The following SELENOF variants were observed in gnomAD, a reference collection of about 807,000 sequenced individuals.
The protein encoded by SELENOF is 15 kDa selenoprotein.
Under a neutral mutation model 20.5 loss-of-function variants are expected in SELENOF, and 16 were observed. The observed-to-expected ratio is 0.78, with a 90% confidence interval of 0.53 to 1.19. The LOEUF is 1.19. Among genes scored for constraint, SELENOF ranks in the 50% most tolerant of loss-of-function variants. The pLI, the probability that SELENOF is intolerant of heterozygous loss-of-function variation, is 0.00. For synonymous variants in SELENOF, 78 were observed against 74.5 expected, an observed-to-expected ratio of 1.05 and a Z score of -0.24; for missense variants, 215 against 194.2, an observed-to-expected ratio of 1.11 and a Z score of -0.64.
At chr1:86,871,276 T>C (rs1658759602) in intron 3 of SELENOF, among the ~76,000 whole-genome samples, 1 of 152,190 alleles carries the variant, frequency 6.6e-6, no homozygotes, top group Non-Finnish European at 1.5e-5. Flanking sequence ...AAAAACAATG[T>C]CGTTAATTTA....
At chr1:86,908,728 T>C (rs997930068) in intron 1 of SELENOF, among the ~76,000 whole-genome samples, 3 of 152,226 alleles carry the variant, frequency 2.0e-5, no homozygotes, top group Non-Finnish European at 2.9e-5. Context: ...TATCATTCTA[T>C]ACTGCTTTTT....
intron 2 of SELENOF, among the ~76,000 whole-genome samples, chr1:86,888,025 C>T (rs566314810): frequency 9.2e-5 from 14 of 152,262 alleles, no homozygotes; most frequent in African/African-American, 3.4e-4. Flanking sequence ...CTTTGGGAGG[C>T]CGAGGTGGGC....
At chr1:86,900,712 G>A (rs1326970221) in intron 2 of SELENOF, among the ~76,000 whole-genome samples, 2 of 152,032 alleles carry the variant, frequency 1.3e-5, no homozygotes, top group Admixed American at 1.3e-4. Context: ...GCAATTTTTT[G>A]TATTTTTAGT....
intron 2 of SELENOF, among the ~76,000 whole-genome samples, chr1:86,888,664 C>CAT (rs911898436): frequency 5.3e-5 from 8 of 152,174 alleles, no homozygotes; most frequent in African/African-American, 1.7e-4. Context: ...TTATGATCAA[C>CAT]ATATATATAT....
intron 4 of SELENOF, among the ~76,000 whole-genome samples, chr1:86,863,908 G>C (rs1303966366): frequency 3.3e-5 from 5 of 152,066 alleles, no homozygotes; most frequent in African/African-American, 1.2e-4. Flanking sequence ...TCCACCTCCC[G>C]ATTTCAAGTG....
intron 3 of SELENOF, 141 bp from the exon 4 acceptor site, chr1:86,868,243 G>A (rs1012654088): frequency 2.4e-6 from 1 of 419,664 alleles, no homozygotes; most frequent in Non-Finnish European, 4.2e-6. Flanking sequence ...AACATCTGTG[G>A]ATAAATGGAG....
At chr1:86,893,423 T>C (rs947969921) in intron 2 of SELENOF, among the ~76,000 whole-genome samples, 15 of 139,780 alleles carry the variant, frequency 1.1e-4, no homozygotes, top group Admixed American at 4.5e-4. Flanking sequence ...CTGGCCAACA[T>C]GGTGAAACCC....
intron 2 of SELENOF, among the ~76,000 whole-genome samples, chr1:86,894,368 C>A (rs2102110238): frequency 6.6e-6 from 1 of 152,080 alleles, no homozygotes; most frequent in South Asian, 2.1e-4. Context: ...ATATTACAAA[C>A]ATATAGCTCA....
At chr1:86,891,660 A>G (rs1216308270) in intron 2 of SELENOF, among the ~76,000 whole-genome samples, 3 of 152,160 alleles carry the variant, frequency 2.0e-5, no homozygotes, top group Non-Finnish European at 4.4e-5. Context: ...ATTTTAAATA[A>G]TATTTTGGGT....
At chr1:86,904,169 C>T (rs1659772775) in intron 1 of SELENOF, among the ~76,000 whole-genome samples, 1 of 152,076 alleles carries the variant, frequency 6.6e-6, no homozygotes, top group Admixed American at 6.6e-5. Context: ...GGTTTATCTA[C>T]AGTCACATCC....
chr1:86,889,286 T>C (rs1293620704), intron 2 of SELENOF, among the ~76,000 whole-genome samples: 2 of 152,208 alleles, frequency 1.3e-5, no homozygotes, highest in Non-Finnish European at 2.9e-5. Context: ...TTCTTCAAAA[T>C]AAATTTTTCT....
intron 2 of SELENOF, among the ~76,000 whole-genome samples, chr1:86,882,679 A>G (rs1659107247): frequency 6.6e-6 from 1 of 152,234 alleles, no homozygotes; most frequent in Non-Finnish European, 1.5e-5. Context: ...AGTGAAAGCA[A>G]GGCCTCAAAC....
At chr1:86,888,673 A>T (rs112190589) in intron 2 of SELENOF, among the ~76,000 whole-genome samples, 15 of 152,146 alleles carry the variant, frequency 9.9e-5, no homozygotes, top group African/African-American at 3.6e-4. Flanking sequence ...ACATATATAT[A>T]TTTTTTTGAG....
intron 3 of SELENOF, among the ~76,000 whole-genome samples, chr1:86,880,265 A>G (rs1003571171): frequency 6.6e-6 from 1 of 151,818 alleles, no homozygotes; most frequent in Non-Finnish European, 1.5e-5. Context: ...CCTCCCGAGT[A>G]GCTGGGATTA....
intron 4 of SELENOF, 144 bp downstream of exon 4, chr1:86,867,908 AT>A (rs1476457212): frequency 2.5e-6 from 1 of 395,398 alleles, no homozygotes; most frequent in Non-Finnish European, 4.4e-6. Context: ...TAAAAAAATT[AT>A]TTTTCAGTGA....
intron 3 of SELENOF, among the ~76,000 whole-genome samples, chr1:86,872,953 T>G (rs958675113): frequency 1.3e-5 from 2 of 151,864 alleles, no homozygotes. Context: ...GGCAGGAGAA[T>G]GGCGTGAACC....
At chr1:86,870,785 A>T (rs1658742434) in intron 3 of SELENOF, among the ~76,000 whole-genome samples, 1 of 151,432 alleles carries the variant, frequency 6.6e-6, no homozygotes, top group African/African-American at 2.4e-5. Context: ...CGCACAGCTA[A>T]TTTTTTTTTA....
intron 2 of SELENOF, among the ~76,000 whole-genome samples, chr1:86,887,990 G>C (rs1659270446): frequency 6.6e-6 from 1 of 152,192 alleles, no homozygotes; most frequent in East Asian, 1.9e-4. Flanking sequence ...GCCAGGCGCG[G>C]TGGCTCACAC....
chr1:86,893,946 T>C (rs1487123356), intron 2 of SELENOF, among the ~76,000 whole-genome samples: 1 of 152,226 alleles, frequency 6.6e-6, no homozygotes, highest in Non-Finnish European at 1.5e-5. Context: ...TCTAGTATAA[T>C]AAGATTAATA....
Sources: allele counts gnomAD v4.1 joint callset (sites outside exome capture counted in the v4.1 genomes callset), GRCh38; gene constraint gnomAD v4.1.1; transcripts MANE v1.5; gene names NCBI Gene and HGNC (gene_info 2026-07-23, HGNC 2026-07-21).